SHISAL2A: variants seen among roughly 807,000 people sequenced by gnomAD.
SHISAL2A encodes shisa like 2A.
A neutral mutation model predicts 11.5 loss-of-function variants in SHISAL2A; 18 were observed. That is an observed-to-expected ratio of 1.57 (90% CI 1.08 to 2.33). The LOEUF (loss-of-function observed/expected upper bound fraction) is 2.33, where lower values mean the gene tolerates loss of function less well. Among genes scored for constraint, SHISAL2A ranks in the 30% most tolerant of loss-of-function variants. The pLI, the probability that SHISAL2A is intolerant of heterozygous loss-of-function variation, is 0.00. For missense variants in SHISAL2A, 261 were observed against 250.9 expected (o/e 1.04, Z -0.27); for synonymous variants, 94 against 99.6 (o/e 0.94, Z 0.34).
chr1:52,642,997 C>T lies in SHISAL2A; in HGVS notation c.317C>T (p.Thr106Ile), dbSNP rs774803515. 7 of 1,613,958 alleles carry T rather than the reference C, an allele frequency of 4.3e-6. No individual in the cohort carries two copies. The highest frequency in any genetic ancestry group is 1.3e-5 in the African/African-American group (1 of 74,910). ...TTGGACCTGGGCTTGAGCTTACAGA[C>T]AGCAGGTAAGGAAGTTGCCAGGTGA... is the stretch of plus-strand genomic sequence containing the variant. ...TKLDLGLSLQ[T>I]AGPEEVSPDC... Residue 106 changes from threonine to isoleucine, a missense_variant, in exon 2 of 3, where the codon ACA (threonine) becomes ATA (isoleucine). Transcript: ENST00000517870.
intron 2 of SHISAL2A, among the ~76,000 whole-genome samples, chr1:52,649,406 A>G (rs2149884134): frequency 6.6e-6 from 1 of 152,266 alleles, no homozygotes; most frequent in Middle Eastern, 3.4e-3. Flanking sequence ...CTATGATTGC[A>G]CTGTCCCTTG....
In SHISAL2A at chr1:52,633,533, G is replaced by A; in HGVS notation, c.40G>A (p.Glu14Lys). Residue 14 changes from glutamate to lysine, a missense_variant, in exon 1 of 3, where the codon GAG (glutamate) becomes AAG (lysine). Glu to Lys is a moderately conservative substitution (Grantham distance 56). Transcript: ENST00000517870. This position sits in a 1 kb window ranked among gnomAD's most constrained non-coding sequence, Gnocchi z 6.4. The part of the protein sequence containing the change: ...ACTSYVSAEQ[E>K]VVRGFSCPRP... ...CACGAGCTACGTGAGCGCAGAGCAG[G>A]AGGTGGTGCGCGGCTTCAGCTGCCC... 1 of 1,603,298 alleles carries A rather than the reference G, an allele frequency of 6.2e-7. No homozygotes were observed. The highest frequency in any genetic ancestry group is 8.5e-7 in the Non-Finnish European group (1 of 1,175,852).
chr1:52,666,180 G>A (rs531702433), intron 4 of SHISAL2A, among the ~76,000 whole-genome samples: 1 of 152,112 alleles, frequency 6.6e-6, no homozygotes, highest in Non-Finnish European at 1.5e-5. Context: ...GGCTGGGAGC[G>A]GTGGCTCACG....
chr1:52,641,916 A>G (rs930239712), intron 1 of SHISAL2A, among the ~76,000 whole-genome samples: 2 of 152,114 alleles, frequency 1.3e-5, no homozygotes, highest in African/African-American at 4.8e-5. Context: ...CAGCCTGGGC[A>G]ACATGGCAAA....
chr1:52,666,511 A>C (rs1166385829), intron 4 of SHISAL2A, among the ~76,000 whole-genome samples: 2 of 152,006 alleles, frequency 1.3e-5, no homozygotes, highest in Non-Finnish European at 2.9e-5. Flanking sequence ...GTCCAGCCCC[A>C]TAGCACCACC....
downstream of SHISAL2A, among the ~76,000 whole-genome samples, chr1:52,661,804 G>A (rs1219256685): frequency 6.6e-6 from 1 of 152,124 alleles, no homozygotes; most frequent in Admixed American, 6.5e-5. Context: ...GGCCAAGGAG[G>A]GCGGATAACC....
intron 1 of SHISAL2A, among the ~76,000 whole-genome samples, chr1:52,635,846 G>A (rs1367617506): frequency 6.6e-6 from 1 of 152,230 alleles, no homozygotes. Flanking sequence ...AGTTAACTTG[G>A]CCTGTGCCCA....
In SHISAL2A at chr1:52,652,407, A is replaced by T. The variant is rs150158503; in HGVS notation, c.323-4383A>T. Among the ~76,000 whole-genome samples the T allele has an allele frequency of 1.8e-3, 267 of 152,296 alleles. 3 individuals are homozygous for T. The highest frequency in any genetic ancestry group is 0.013 in the Admixed American group (203 of 15,290). On this transcript the variant is annotated intron_variant, in intron 2 of 2. Transcript: ENST00000517870. ...GGCCATATTTCACTCACAAATTCGT[A>T]ATCCTTTACAAATTTGTTTTGTTTT...
intron 2 of SHISAL2A, among the ~76,000 whole-genome samples, chr1:52,647,681 C>CA (rs1220549407): frequency 6.6e-6 from 1 of 151,580 alleles, no homozygotes; most frequent in African/African-American, 2.4e-5. Flanking sequence ...CCCATCCCTA[C>CA]AAAAAATACA....
intron 2 of SHISAL2A, among the ~76,000 whole-genome samples, chr1:52,646,110 A>C (rs936632): frequency 0.86 from 130,279 of 152,220 alleles, 55,899 homozygotes; most frequent in African/African-American, 0.92. Context: ...TTGGCAATGT[A>C]TGTAAACATT....
At chr1:52,660,461 G>A (rs893568411), downstream of SHISAL2A, among the ~76,000 whole-genome samples, 53 of 152,316 alleles carry the variant, frequency 3.5e-4, no homozygotes, top group African/African-American at 1.1e-3. Context: ...GCCGCAGTGG[G>A]AGGATGCTGG....
At chr1:52,651,261 G>A (rs6700019) in intron 2 of SHISAL2A, among the ~76,000 whole-genome samples, 12,303 of 151,666 alleles carry the variant, frequency 0.081, 1,394 homozygotes, top group African/African-American at 0.25. Flanking sequence ...TTTTTGAGAC[G>A]GAGTCTCGCT....
chr1:52,644,824 T>G (rs916035052), intron 2 of SHISAL2A, among the ~76,000 whole-genome samples: 1 of 152,030 alleles, frequency 6.6e-6, no homozygotes, highest in Admixed American at 6.6e-5. Flanking sequence ...GAGACCATCC[T>G]GGCTAATGCG....
chr1:52,663,283 C>T (rs1691943298), intron 4 of SHISAL2A, among the ~76,000 whole-genome samples: 1 of 152,086 alleles, frequency 6.6e-6, no homozygotes, highest in Non-Finnish European at 1.5e-5. Flanking sequence ...GGATTTGCCC[C>T]AGACCCCTCG....
chr1:52,645,210 C>T (rs538009276), intron 2 of SHISAL2A, among the ~76,000 whole-genome samples: 1 of 152,092 alleles, frequency 6.6e-6, no homozygotes, highest in African/African-American at 2.4e-5. Flanking sequence ...TTCTCAGATC[C>T]TGATGACTGT....
chr1:52,646,528 C>CACAA (rs1491338641), intron 2 of SHISAL2A, among the ~76,000 whole-genome samples: 2 of 144,514 alleles, frequency 1.4e-5, no homozygotes, highest in African/African-American at 5.2e-5. Flanking sequence ...CACACACACA[C>CACAA]AATTAGTCCT....
intron 2 of SHISAL2A, among the ~76,000 whole-genome samples, chr1:52,645,898 C>T (rs1219504653): frequency 2.0e-5 from 3 of 152,118 alleles, no homozygotes; most frequent in Non-Finnish European, 4.4e-5. Flanking sequence ...AATCTAGAGG[C>T]ATACAGGTGC....
chr1:52,656,441 G>A (rs1463704244), intron 2 of SHISAL2A, among the ~76,000 whole-genome samples: 1 of 152,172 alleles, frequency 6.6e-6, no homozygotes, highest in African/African-American at 2.4e-5. Flanking sequence ...TTTTAAAAAT[G>A]TCCACCACTC....
At chr1:52,640,535 C>A (rs184447802) in intron 1 of SHISAL2A, among the ~76,000 whole-genome samples, 10 of 151,006 alleles carry the variant, frequency 6.6e-5, no homozygotes, top group South Asian at 2.1e-4. Flanking sequence ...AGGTCAAGGG[C>A]GGGGGAATCA....
Sources: allele counts gnomAD v4.1 joint callset (sites outside exome capture counted in the v4.1 genomes callset), GRCh38; gene constraint gnomAD v4.1.1; non-coding constraint Gnocchi (gnomAD v3.1); transcripts MANE v1.5; gene names NCBI Gene and HGNC (gene_info 2026-07-23, HGNC 2026-07-21).